Variants in MOCS1 observed in about 807,000 individuals in gnomAD.
MOCS1 encodes molybdenum cofactor synthesis 1, also known as molybdenum cofactor biosynthesis protein 1.
In MOCS1, 39 loss-of-function variants were observed where a neutral mutation model predicts 57.6. The ratio of observed to expected loss-of-function variants is 0.68; its 90% CI spans 0.52 to 0.88. The LOEUF is 0.88. MOCS1 is among the 40% of genes least tolerant of loss of function. The probability of loss-of-function intolerance (pLI) is 0.00; values close to 1 mark genes in which losing one functional copy is unlikely to be tolerated. For synonymous variants in MOCS1, 334 were observed against 335.7 expected (o/e 1.00, Z 0.05); for missense variants, 795 against 831.1 (o/e 0.96, Z 0.53).
intron 1 of MOCS1, 84 bp downstream of exon 1, chr6:39,934,211 G>C (rs1411059663): frequency 5.6e-5 from 81 of 1,444,338 alleles, no homozygotes; most frequent in Non-Finnish European, 6.1e-5. Context: ...AAGCAGATAG[G>C]CCGGGAGCTA....
rs1766840130 is a variant in MOCS1 at position 39,905,627 on chromosome 6, G to A, written c.*730C>T. On this transcript the variant is annotated 3_prime_UTR_variant, in exon 11 of 11. Coordinates refer to ENST00000340692, the MANE Select transcript of MOCS1 (RefSeq NM_001358530.2). ...GCTCCAGAATAAAGAGGGGTGGGTG[G>A]AACAGCCGTGAACAGGGCCAGGTGT... is the stretch of plus-strand genomic sequence containing the variant. 2.1e-6 allele frequency: 1 copy of A among 471,168 alleles called. No homozygotes were observed. The highest frequency in any genetic ancestry group is 4.4e-6 in the Non-Finnish European group (1 of 227,062). 29.2% of individuals were successfully genotyped at this position (471,168 alleles called of 1,614,324 possible).
At chr6:39,920,756 A>G (rs1355954312) in intron 3 of MOCS1, among the ~76,000 whole-genome samples, 1 of 152,014 alleles carries the variant, frequency 6.6e-6, no homozygotes, top group South Asian at 2.1e-4. Context: ...GGGCAGGAGG[A>G]TCACTTGAGC....
chr6:39,908,980 C>G, intron 10 of MOCS1, 75 bp downstream of exon 10: 2 of 1,249,084 alleles, frequency 1.6e-6, no homozygotes, highest in Non-Finnish European at 2.4e-6. Flanking sequence ...GCTGGGGGTG[C>G]CTATGGCACG....
intron 7 of MOCS1, 51 bp from the exon 8 acceptor site, chr6:39,912,425 G>T: frequency 7.7e-7 from 1 of 1,296,212 alleles, no homozygotes; most frequent in Non-Finnish European, 1.1e-6. Flanking sequence ...ATGGGCTACT[G>T]AGCCCAGTTT....
At chr6:39,911,645 A>G (rs1231967721) in intron 8 of MOCS1, among the ~76,000 whole-genome samples, 2 of 152,072 alleles carry the variant, frequency 1.3e-5, no homozygotes, top group Non-Finnish European at 2.9e-5. Context: ...CCCAACCAGT[A>G]TGAACCCTAT....
rs1399689715 is a variant in MOCS1, at chr6:39,904,794, C to T, written c.*1563G>A. On this transcript the variant is annotated 3_prime_UTR_variant, in exon 11 of 11. Coordinates refer to ENST00000340692, the MANE Select transcript of MOCS1 (RefSeq NM_001358530.2). ...GGCTAATGGACATAATCTACAGTGT[C>T]CTTTTTCACTTGCACCTTTTTTATA... The T allele has an allele frequency of 4.4e-6, 2 of 453,996 alleles. No homozygotes were observed. The highest frequency in any genetic ancestry group is 8.8e-6 in the Non-Finnish European group (2 of 226,804). The allele number at this position is 453,996 out of a possible 1,614,324, so 28.1% of individuals were successfully genotyped here.
At chr6:39,907,314 C>T (rs1442437690) in intron 10 of MOCS1, among the ~76,000 whole-genome samples, 197 bp from the exon 11 acceptor site, 5 of 148,036 alleles carry the variant, frequency 3.4e-5, no homozygotes, top group Admixed American at 2.0e-4. Context: ...AGTCCAAGTT[C>T]ACAGCCCTTC....
chr6:39,929,939 CAAA>C (rs397948587), intron 1 of MOCS1, among the ~76,000 whole-genome samples: 230 of 96,694 alleles, frequency 2.4e-3, no homozygotes, highest in Middle Eastern at 5.2e-3. Flanking sequence ...GAGATTCTCT[CAAA>C]AAAAAAAAAA....
intron 3 of MOCS1, among the ~76,000 whole-genome samples, chr6:39,924,020 C>G (rs995187862): frequency 6.6e-6 from 1 of 152,202 alleles, no homozygotes; most frequent in Admixed American, 6.5e-5. Flanking sequence ...CAATCAAGAA[C>G]ATGGAACCTC....
intron 3 of MOCS1, among the ~76,000 whole-genome samples, chr6:39,923,599 G>C (rs1022442908): frequency 1.3e-5 from 2 of 152,264 alleles, no homozygotes; most frequent in Non-Finnish European, 2.9e-5. Context: ...CAAGCAGCTG[G>C]TTCAGCAGGT....
Position 39,904,293 on chromosome 6 carries a change from C to T in MOCS1, c.*2064G>A, listed in dbSNP as rs1766661173. On this transcript the variant is annotated 3_prime_UTR_variant, in exon 11 of 11. Transcript: ENST00000340692. ...AGAAAGATATTTTTCTATTTATTTT[C>T]TACATCTGGCCAGTGGCTCTGGTGC... 1 of 456,750 alleles carries T rather than the reference C, an allele frequency of 2.2e-6. No homozygotes were observed. The highest frequency in any genetic ancestry group is 1.5e-5 in the South Asian group (1 of 64,570). The allele number at this position is 456,750 out of a possible 1,614,324, so 28.3% of individuals were successfully genotyped here. A position where few individuals can be genotyped will look rare whatever the true frequency, so the allele number is the denominator to read the frequency against.
At chr6:39,932,117 C>G (rs1283037827) in intron 1 of MOCS1, among the ~76,000 whole-genome samples, 1 of 152,168 alleles carries the variant, frequency 6.6e-6, no homozygotes, top group Non-Finnish European at 1.5e-5. Flanking sequence ...CCTCATCCTG[C>G]CACACAAACA....
chr6:39,910,961 C>G (rs1225831354), intron 8 of MOCS1, among the ~76,000 whole-genome samples: 1 of 152,200 alleles, frequency 6.6e-6, no homozygotes, highest in Non-Finnish European at 1.5e-5. Context: ...GCTCAAGTGC[C>G]AATGAGGTGG....
chr6:39,907,046 G>A lies in MOCS1; in HGVS notation c.1222C>T (p.Gln408Ter), dbSNP rs775830396. ...AAACTCATTCTGGGTCTTAGACCCTGAACATGGAGCGGGTCCCAGGAGAAA... is the reference window on the plus strand; with the variant it reads ...AAACTCATTCTGGGTCTTAGACCCTAAACATGGAGCGGGTCCCAGGAGAAA... ...SIFSWDPLHVQGLRPRMSFSS... is the reference protein window; with the variant it reads ...SIFSWDPLHV The change falls in exon 11 of 11, where the codon CAG (glutamine) becomes TAG (stop). Residue 408 changes from glutamine (Q) to a stop codon, truncating the protein, a stop_gained. Coordinates refer to ENST00000340692, the MANE Select transcript of MOCS1 (RefSeq NM_001358530.2). LOFTEE classifies it high-confidence loss of function. 1.2e-6 allele frequency: 2 copies of A among 1,613,652 alleles called. No individual in the cohort carries two copies. The highest frequency in any genetic ancestry group is 3.3e-5 in the Admixed American group (2 of 60,004).
At chr6:39,913,915 C>T in intron 4 of MOCS1, 80 bp from the exon 5 acceptor site, 1 of 1,415,050 alleles carries the variant, frequency 7.1e-7, no homozygotes, top group Non-Finnish European at 1.0e-6. Context: ...GCACCAGAGC[C>T]CATCTAGTCT....
rs151208044 is a variant in MOCS1, at chr6:39,920,804, C to T, written c.419-4572G>A. ...GACCAGCCTGGGTAACATGGCAAAACACTGTCTCTACAAAAAATACAAAAA... is the reference window on the plus strand; with the variant it reads ...GACCAGCCTGGGTAACATGGCAAAATACTGTCTCTACAAAAAATACAAAAA... On this transcript the variant is annotated intron_variant, in intron 3 of 10. Transcript: ENST00000340692. Among the ~76,000 whole-genome samples, 377 of 151,836 alleles carry T rather than the reference C, an allele frequency of 2.5e-3. 1 individual carries two copies. The highest frequency in any genetic ancestry group is 4.1e-3 in the Non-Finnish European group (277 of 67,998).
chr6:39,916,170 C>T lies in MOCS1; in HGVS notation c.481G>A (p.Ala161Thr). 1 of 1,614,046 alleles carries T rather than the reference C, an allele frequency of 6.2e-7. No individual in the cohort carries two copies. The highest frequency in any genetic ancestry group is 1.1e-5 in the South Asian group (1 of 91,080). ...IGVTTNGINL[A>T]RLLPQLQKAG... ...TTCTGAAGCTGGGGCAGTAGCCGGG[C>T]CAGGTTGATGCCATTGGTGGTAACA... The change falls in exon 4 of 11, where the codon GCC becomes ACC. Residue 161 changes from alanine (A) to threonine (T), a missense_variant. Physicochemically the swap from Ala to Thr is moderately conservative, Grantham distance 58 (BLOSUM62 0). Around this residue, in one of 3 missense-constraint regions of MOCS1, gnomAD observed 416 missense variants for 392.4 expected, o/e 1.06. Coordinates refer to ENST00000340692, the MANE Select transcript of MOCS1 (RefSeq NM_001358530.2).
chr6:39,909,757 A>T, intron 9 of MOCS1, 78 bp downstream of exon 9: 1 of 1,592,072 alleles, frequency 6.3e-7, no homozygotes, highest in Non-Finnish European at 8.5e-7. Context: ...TGGTCATCTC[A>T]CCCCACAACT....
Position 39,934,391 on chromosome 6 carries a change from C to T in MOCS1, c.27G>A (p.Met9Ile), listed in dbSNP as rs1173913012. Residue 9 changes from methionine (M) to isoleucine (I), a missense_variant, in exon 1 of 11, where the codon ATG becomes ATA. By Grantham distance (10) the Met-to-Ile change is conservative. Around this residue, in one of 3 missense-constraint regions of MOCS1, gnomAD observed 416 missense variants for 392.4 expected, o/e 1.06. Transcript: ENST00000340692. ...CGCTGGACCTCAGAAGCCGCCGCAG[C>T]ATCCGGGACAGTGGCCGCGCCGCCA... MAARPLSR[M>I]LRRLLRSSAR... The T allele has an allele frequency of 1.3e-6, 2 of 1,563,846 alleles. No individual in the cohort carries two copies. The highest frequency in any genetic ancestry group is 1.7e-6 in the Non-Finnish European group (2 of 1,159,544).
Sources: gnomAD v4.1 joint callset for allele counts (sites outside exome capture counted in the v4.1 genomes callset) on GRCh38, gnomAD v4.1.1 for gene constraint, gnomAD v4.1.1 regional missense constraint, MANE v1.5 for transcripts, NCBI Gene and HGNC (gene_info 2026-07-23, HGNC 2026-07-21) for gene names.